CNTNAP2: variants seen among roughly 807,000 people sequenced by gnomAD.
CNTNAP2 encodes contactin associated protein 2, also known as contactin-associated protein-like 2.
A neutral mutation model predicts 155.2 loss-of-function variants in CNTNAP2; 98 were observed. The ratio of observed to expected loss-of-function variants is 0.63; its 90% CI spans 0.54 to 0.75. The LOEUF is 0.75. CNTNAP2 is among the 30% of genes least tolerant of loss of function. The probability of loss-of-function intolerance (pLI) is 0.00; values close to 1 mark genes in which losing one functional copy is unlikely to be tolerated. For missense variants in CNTNAP2, 1,727 were observed against 1,688.1 expected, an observed-to-expected ratio of 1.02 and a Z score of -0.40; for synonymous variants, 651 against 631.2, an observed-to-expected ratio of 1.03 and a Z score of -0.47.
At chr7:147,302,728 G>T (rs1298885273) in intron 9 of CNTNAP2, among the ~76,000 whole-genome samples, 1 of 152,210 alleles carries the variant, frequency 6.6e-6, no homozygotes, top group African/African-American at 2.4e-5. Context: ...ATGCCTTTTA[G>T]ATTCTTTTTG....
chr7:146,993,044 A>G (rs1798238370), intron 3 of CNTNAP2, among the ~76,000 whole-genome samples: 1 of 152,182 alleles, frequency 6.6e-6, no homozygotes, highest in African/African-American at 2.4e-5. Flanking sequence ...CCAAAGAAAG[A>G]ATTCAACCAA....
intron 1 of CNTNAP2, among the ~76,000 whole-genome samples, chr7:146,525,532 T>TTATC (rs71175655): frequency 0.32 from 47,929 of 147,764 alleles, 8,277 homozygotes; most frequent in Admixed American, 0.44. Flanking sequence ...TCTTTTCAGT[T>TTATC]TATCTATCTA....
chr7:147,371,665 G>T (rs924798868), intron 9 of CNTNAP2, among the ~76,000 whole-genome samples: 1 of 152,076 alleles, frequency 6.6e-6, no homozygotes, highest in African/African-American at 2.4e-5. Context: ...TAGGCTTGAA[G>T]AACATTCACC....
chr7:147,228,106 A>G (rs1803589843), intron 8 of CNTNAP2, among the ~76,000 whole-genome samples: 1 of 152,194 alleles, frequency 6.6e-6, no homozygotes, highest in Non-Finnish European at 1.5e-5. Context: ...ATAGTCATTA[A>G]GATGAGGACT....
intron 13 of CNTNAP2, among the ~76,000 whole-genome samples, chr7:147,684,527 C>T (rs1031304606): frequency 4.6e-5 from 7 of 151,716 alleles, no homozygotes; most frequent in Non-Finnish European, 7.4e-5. Flanking sequence ...ATTACATGAA[C>T]GATAATATAG....
chr7:148,182,240 ATGACTTGAGC>A (rs1795051372), intron 18 of CNTNAP2, among the ~76,000 whole-genome samples: 1 of 152,230 alleles, frequency 6.6e-6, no homozygotes, highest in Non-Finnish European at 1.5e-5. Flanking sequence ...TATTAGCTCC[ATGACTTGAGC>A]TGAAACTCTA....
intron 13 of CNTNAP2, among the ~76,000 whole-genome samples, chr7:147,853,597 G>T (rs17234187): frequency 2.0e-5 from 3 of 152,144 alleles, no homozygotes; most frequent in Non-Finnish European, 4.4e-5. Flanking sequence ...TAATTAAGCT[G>T]CTTTGCCCTG....
intron 20 of CNTNAP2, among the ~76,000 whole-genome samples, chr7:148,261,319 C>T (rs62472772): frequency 2.0e-5 from 3 of 151,934 alleles, no homozygotes; most frequent in Admixed American, 6.6e-5. Flanking sequence ...CACCACCATG[C>T]CCGGCTAATT....
At chr7:146,822,661 A>G (rs575617232) in intron 2 of CNTNAP2, among the ~76,000 whole-genome samples, 1 of 148,004 alleles carries the variant, frequency 6.8e-6, no homozygotes, top group Admixed American at 6.8e-5. Context: ...ATATTTAAAT[A>G]TAAATATACT....
intron 3 of CNTNAP2, among the ~76,000 whole-genome samples, chr7:146,891,479 A>G (rs1278537419): frequency 6.6e-6 from 1 of 152,214 alleles, no homozygotes; most frequent in East Asian, 1.9e-4. Flanking sequence ...GAAAATATGT[A>G]ATGTTTTAGG....
At chr7:146,539,066 G>A (rs1797912782) in intron 1 of CNTNAP2, among the ~76,000 whole-genome samples, 1 of 151,966 alleles carries the variant, frequency 6.6e-6, no homozygotes, top group Non-Finnish European at 1.5e-5. Context: ...TACATTTAAG[G>A]GATGGTGATA....
At chr7:148,059,621 A>T (rs1009402080) in intron 15 of CNTNAP2, among the ~76,000 whole-genome samples, 1 of 150,482 alleles carries the variant, frequency 6.6e-6, no homozygotes, top group African/African-American at 2.4e-5. Context: ...AGAAAGAAAG[A>T]AAATTCATCA....
Position 147,006,495 on chromosome 7 carries a change from T to C in CNTNAP2, c.403-37412T>C, listed in dbSNP as rs150621581. On this transcript the variant is annotated intron_variant, in intron 3 of 23. Coordinates refer to ENST00000361727, the MANE Select transcript of CNTNAP2 (RefSeq NM_014141.6). ...GGCCTTTAGCTCAAAATAATGCATATGCTAAAGAGGTGTATTTTGGGGTTG... is the reference window on the plus strand; with the variant it reads ...GGCCTTTAGCTCAAAATAATGCATACGCTAAAGAGGTGTATTTTGGGGTTG... 1.2e-3 allele frequency among the ~76,000 whole-genome samples: 176 copies of C among 152,190 alleles called. 2 individuals are homozygous for C. The East Asian group carries it at 0.03, about 26-fold the overall frequency.
chr7:146,567,455 T>C (rs925533433), intron 1 of CNTNAP2, among the ~76,000 whole-genome samples: 16 of 152,314 alleles, frequency 1.1e-4, no homozygotes, highest in African/African-American at 3.4e-4. Context: ...AAAATCTATA[T>C]AGTCTTAATT....
intron 12 of CNTNAP2, among the ~76,000 whole-genome samples, chr7:147,617,472 TTTTTATGTAATAGGC>T (rs1406798850): frequency 6.6e-6 from 1 of 152,164 alleles, no homozygotes; most frequent in Admixed American, 6.5e-5. Context: ...CTTATGACAT[TTTTTATGTAATAGGC>T]TATACATTGT....
chr7:148,271,527 A>G (rs1796779416), intron 21 of CNTNAP2, among the ~76,000 whole-genome samples: 1 of 152,250 alleles, frequency 6.6e-6, no homozygotes, highest in South Asian at 2.1e-4. Context: ...GAAAAGCGTG[A>G]TTTGTGACCT....
intron 9 of CNTNAP2, among the ~76,000 whole-genome samples, chr7:147,356,404 T>G (rs1394755404): frequency 6.6e-6 from 1 of 152,062 alleles, no homozygotes; most frequent in African/African-American, 2.4e-5. Flanking sequence ...ACCACTCCTA[T>G]TCAACATAGT....
intron 1 of CNTNAP2, among the ~76,000 whole-genome samples, chr7:146,653,680 C>T (rs569928073): frequency 1.3e-5 from 2 of 152,114 alleles, no homozygotes; most frequent in South Asian, 2.1e-4. Flanking sequence ...TTCTTCAGTA[C>T]CCTTGTATCA....
chr7:147,645,661 C>A (rs1019718836), intron 13 of CNTNAP2, among the ~76,000 whole-genome samples: 5 of 152,034 alleles, frequency 3.3e-5, no homozygotes, highest in African/African-American at 1.2e-4. Flanking sequence ...TTGATGAGAA[C>A]CTCAACTGGA....
Sources: gnomAD v4.1 joint callset for allele counts (sites outside exome capture counted in the v4.1 genomes callset) on GRCh38, gnomAD v4.1.1 for gene constraint, MANE v1.5 for transcripts, NCBI Gene and HGNC (gene_info 2026-07-23, HGNC 2026-07-21) for gene names.